Variants in GAP43 observed in about 807,000 individuals in gnomAD.
The protein encoded by GAP43 is neuromodulin.
GAP43 carries 6 observed loss-of-function variants against 18.6 expected under a neutral mutation model. The ratio of observed to expected loss-of-function variants is 0.32; its 90% CI spans 0.18 to 0.64. The LOEUF (loss-of-function observed/expected upper bound fraction) is 0.64. GAP43 is among the 30% of genes least tolerant of loss of function. The pLI is 0.78. For missense variants in GAP43, 292 were observed against 295.5 expected, an observed-to-expected ratio of 0.99 and a Z score of 0.09; for synonymous variants, 115 against 111.4, an observed-to-expected ratio of 1.03 and a Z score of -0.20.
rs1709565445 is a variant in GAP43, at chr3:115,720,657, T to C, written c.629-137T>C. 4 of 571,514 alleles carry C rather than the reference T, an allele frequency of 7.0e-6. No homozygotes were observed. In the East Asian group the frequency reaches 1.3e-4, roughly 18 times the overall value. 35.4% of individuals were successfully genotyped at this position (571,514 alleles called of 1,614,324 possible). On this transcript the variant is annotated intron_variant, in intron 2 of 2. Transcript: ENST00000305124. ...CTTGTAACCTACATTAACTGGGATATTAATAATCTCTTTTAATCTTAATGC... is the reference window on the plus strand; with the variant it reads ...CTTGTAACCTACATTAACTGGGATACTAATAATCTCTTTTAATCTTAATGC...
intron 2 of GAP43, among the ~76,000 whole-genome samples, chr3:115,693,448 C>T (rs182752393): frequency 6.6e-6 from 1 of 152,014 alleles, no homozygotes; most frequent in Non-Finnish European, 1.5e-5. Flanking sequence ...TATTAAGAGC[C>T]ACGGGGAGAC....
At chr3:115,655,141 G>C (rs1384342061) in intron 1 of GAP43, among the ~76,000 whole-genome samples, 1 of 152,194 alleles carries the variant, frequency 6.6e-6, no homozygotes, top group African/African-American at 2.4e-5. Flanking sequence ...TGAGATCTGT[G>C]TAACTTAGGT....
At chr3:115,631,352 G>A (rs2107465218) in intron 1 of GAP43, among the ~76,000 whole-genome samples, 1 of 152,256 alleles carries the variant, frequency 6.6e-6, no homozygotes, top group Middle Eastern at 3.4e-3. Context: ...ATATTCATCT[G>A]TGTAGTGGGT....
chr3:115,662,287 A>G (rs1708672002), intron 1 of GAP43, among the ~76,000 whole-genome samples: 2 of 152,186 alleles, frequency 1.3e-5, no homozygotes, highest in Non-Finnish European at 2.9e-5. Context: ...GATTCTCTGC[A>G]GTGATTTAAA....
chr3:115,705,997 ATTCTGAT>A, intron 2 of GAP43, among the ~76,000 whole-genome samples: 1 of 152,218 alleles, frequency 6.6e-6, no homozygotes, highest in African/African-American at 2.4e-5. Context: ...TTCCTACCCC[ATTCTGAT>A]TCCTTATTCT....
At chr3:115,654,929 G>A (rs1056987448) in intron 1 of GAP43, among the ~76,000 whole-genome samples, 3 of 152,046 alleles carry the variant, frequency 2.0e-5, no homozygotes, top group East Asian at 1.9e-4. Flanking sequence ...GGAAATTCAC[G>A]GGGGGCATCT....
chr3:115,623,747 C>T (rs777484387), intron 1 of GAP43, 28 bp downstream of exon 1: 16 of 1,613,498 alleles, frequency 9.9e-6, no homozygotes, highest in Non-Finnish European at 1.4e-5. Context: ...TTACTTCTTG[C>T]TGTTGTGAAA....
intron 2 of GAP43, among the ~76,000 whole-genome samples, chr3:115,718,688 C>T (rs1709540495): frequency 6.6e-6 from 1 of 151,930 alleles, no homozygotes; most frequent in African/African-American, 2.4e-5. Flanking sequence ...ACTTTAAAAC[C>T]CTGGTCAAAA....
intron 2 of GAP43, among the ~76,000 whole-genome samples, chr3:115,682,813 A>C (rs1708973380): frequency 1.3e-5 from 2 of 152,228 alleles, no homozygotes; most frequent in African/African-American, 4.8e-5. Flanking sequence ...TACAGGTGTG[A>C]GCCACTGCGC....
At chr3:115,719,265 G>A (rs1198602555) in intron 2 of GAP43, among the ~76,000 whole-genome samples, 2 of 106,630 alleles carry the variant, frequency 1.9e-5, no homozygotes, top group African/African-American at 2.9e-5. Flanking sequence ...ATCAGGGATT[G>A]AGGAAAAAAA....
chr3:115,715,889 A>C (rs1009676283), intron 2 of GAP43, among the ~76,000 whole-genome samples: 2 of 152,198 alleles, frequency 1.3e-5, no homozygotes, highest in Admixed American at 6.5e-5. Flanking sequence ...CTAAAGTAAA[A>C]TCTGCTGAGA....
chr3:115,642,424 A>G (rs1306522185), intron 1 of GAP43, among the ~76,000 whole-genome samples: 1 of 151,504 alleles, frequency 6.6e-6, no homozygotes, highest in Non-Finnish European at 1.5e-5. Context: ...TTTTTTTTAA[A>G]GAAACACTCT....
At chr3:115,681,853 T>C (rs1708961584) in intron 2 of GAP43, among the ~76,000 whole-genome samples, 1 of 152,174 alleles carries the variant, frequency 6.6e-6, no homozygotes, top group South Asian at 2.1e-4. Flanking sequence ...TTAGGGAGAC[T>C]ATGGGACTTA....
chr3:115,628,378 T>C (rs924447304), intron 1 of GAP43, among the ~76,000 whole-genome samples: 2 of 152,096 alleles, frequency 1.3e-5, no homozygotes, highest in Non-Finnish European at 2.9e-5. Context: ...CCTGACTCTA[T>C]GTCCCCATCT....
intron 2 of GAP43, among the ~76,000 whole-genome samples, chr3:115,691,268 C>T (rs1053895202): frequency 6.6e-6 from 1 of 152,136 alleles, no homozygotes; most frequent in Non-Finnish European, 1.5e-5. Flanking sequence ...CAACAATAGA[C>T]AGAATTGCAA....
intron 2 of GAP43, among the ~76,000 whole-genome samples, chr3:115,707,464 A>C (rs1351295451): frequency 6.6e-6 from 1 of 151,476 alleles, no homozygotes; most frequent in Admixed American, 6.6e-5. Context: ...TAATTTTTTT[A>C]ATTATTTGTA....
Position 115,696,627 on chromosome 3 carries a change from T to C in GAP43, c.628+20017T>C, listed in dbSNP as rs1036759046. 2.5e-5 allele frequency among the ~76,000 whole-genome samples: 3 copies of C among 122,244 alleles called. No individual in the cohort carries two copies. In the East Asian group the frequency reaches 8.5e-4, roughly 35 times the overall value. The allele number at this position is 122,244 out of a possible 152,430, so 80.2% of individuals were successfully genotyped here. Reference sequence around the variant, plus strand: ...TGCTCATATGCAGGGAATTTGCAACTTACTGTTCCCTCTGCCTCAAAACCT... The same window carrying C: ...TGCTCATATGCAGGGAATTTGCAACCTACTGTTCCCTCTGCCTCAAAACCT... On this transcript the variant is annotated intron_variant, in intron 2 of 2. Coordinates refer to ENST00000305124, the MANE Select transcript of GAP43 (RefSeq NM_002045.4).
At chr3:115,709,079 A>C (rs1709403112) in intron 2 of GAP43, among the ~76,000 whole-genome samples, 1 of 152,078 alleles carries the variant, frequency 6.6e-6, no homozygotes, top group Non-Finnish European at 1.5e-5. Flanking sequence ...AAATAGAAAA[A>C]GCAGCACTGT....
chr3:115,659,461 T>TC (rs1163187216), intron 1 of GAP43, among the ~76,000 whole-genome samples: 1 of 152,138 alleles, frequency 6.6e-6, no homozygotes, highest in Non-Finnish European at 1.5e-5. Flanking sequence ...GTGTGAGATT[T>TC]CCTCTTCGCT....
Sources: gnomAD v4.1 joint callset for allele counts (sites outside exome capture counted in the v4.1 genomes callset) on GRCh38, gnomAD v4.1.1 for gene constraint, MANE v1.5 for transcripts, NCBI Gene and HGNC (gene_info 2026-07-23, HGNC 2026-07-21) for gene names.